The following BTBD7 variants were observed in gnomAD, a reference collection of about 807,000 sequenced individuals.
The protein encoded by BTBD7 is BTB/POZ domain-containing protein 7.
BTBD7 carries 38 observed loss-of-function variants against 99.9 expected under a neutral mutation model. The ratio of observed to expected loss-of-function variants is 0.38; its 90% CI spans 0.29 to 0.50. BTBD7 has a LOEUF of 0.50. Among genes scored for constraint, BTBD7 ranks in the 20% least tolerant of loss-of-function variants. The pLI is 0.93. For synonymous variants in BTBD7, 520 were observed against 511.4 expected, an observed-to-expected ratio of 1.02 and a Z score of -0.23; for missense variants, 1,170 against 1,394.6, an observed-to-expected ratio of 0.84 and a Z score of 2.57.
In BTBD7 at chr14:93,248,566, G is replaced by A; in HGVS notation, c.2031C>T (p.Asn677=). The change falls in exon 9 of 11, where the codon AAC becomes AAT. Residue 677 remains asparagine (N), a synonymous_variant. Coordinates refer to ENST00000334746, the MANE Select transcript of BTBD7 (RefSeq NM_001002860.4). ...AGCTGACAGTGGCGCCTTCCCCGCA[G>A]TTCAGGGCATAGGCCCTCTGCACCT... The part of the protein sequence containing the change: ...TEQVQRAYAL[N]CGEGATVSYE... 1.2e-6 allele frequency: 2 copies of A among 1,614,120 alleles called. No individual in the cohort carries two copies. Among genetic ancestry groups the A allele is most frequent in the Non-Finnish European group, 8.5e-7 (1 of 1,180,044 alleles).
At chr14:93,256,256 G>GC (rs1271386696) in intron 6 of BTBD7, 1 of 151,262 alleles carries the variant, frequency 6.6e-6, no homozygotes, top group East Asian at 1.9e-4. Flanking sequence ...ATTATGTTTT[G>GC]TTTTTTTTCC....
intron 10 of BTBD7, among the ~76,000 whole-genome samples, chr14:93,244,717 G>A (rs1322777824): frequency 6.6e-6 from 1 of 152,046 alleles, no homozygotes; most frequent in Non-Finnish European, 1.5e-5. Context: ...GAAAAGTTGA[G>A]AAAGGATCAT....
At chr14:93,307,236 A>G (rs1255212622) in intron 1 of BTBD7, among the ~76,000 whole-genome samples, 1 of 152,134 alleles carries the variant, frequency 6.6e-6, no homozygotes, top group Admixed American at 6.6e-5. Context: ...ATCATAGCTC[A>G]CAGTGCCTGG....
intron 1 of BTBD7, among the ~76,000 whole-genome samples, chr14:93,301,520 C>T (rs918997897): frequency 1.7e-4 from 21 of 125,916 alleles, no homozygotes; most frequent in Non-Finnish European, 3.1e-4. Flanking sequence ...TATATATATA[C>T]ACACACACAT....
At chr14:93,331,711 T>C (rs950874567) in intron 1 of BTBD7, among the ~76,000 whole-genome samples, 2 of 152,088 alleles carry the variant, frequency 1.3e-5, no homozygotes, top group South Asian at 2.1e-4. Context: ...TGAAACCACG[T>C]CTCTATTAAA....
chr14:93,247,373 A>C (rs2052324773), intron 9 of BTBD7, among the ~76,000 whole-genome samples: 1 of 139,340 alleles, frequency 7.2e-6, no homozygotes, highest in African/African-American at 2.7e-5. Flanking sequence ...TTTGAGACGG[A>C]GTCTTGCTCT....
intron 1 of BTBD7, among the ~76,000 whole-genome samples, chr14:93,313,415 A>G (rs1248648457): frequency 6.6e-6 from 1 of 152,234 alleles, no homozygotes; most frequent in Non-Finnish European, 1.5e-5. Flanking sequence ...GAATCTTATT[A>G]AGCCATGTGG....
At chr14:93,280,319 C>T (rs887769786) in intron 3 of BTBD7, among the ~76,000 whole-genome samples, 3 of 152,180 alleles carry the variant, frequency 2.0e-5, no homozygotes, top group Admixed American at 2.0e-4. Flanking sequence ...CAAAATTCAG[C>T]ACTGTTCTTT....
chr14:93,292,622 CTGTG>C (rs1478634254), intron 3 of BTBD7, among the ~76,000 whole-genome samples: 3 of 152,170 alleles, frequency 2.0e-5, no homozygotes, highest in African/African-American at 4.8e-5. Context: ...ACGCCTTCTT[CTGTG>C]TAAGTTCCCA....
chr14:93,242,949 G>A lies in BTBD7; in HGVS notation c.2723C>T (p.Pro908Leu), dbSNP rs773536280. 2.5e-6 allele frequency: 4 copies of A among 1,614,002 alleles called. No homozygotes were observed. The highest frequency in any genetic ancestry group is 1.7e-5 in the Admixed American group (1 of 59,998). Residue 908 changes from proline to leucine, a missense_variant, in exon 11 of 11, where the codon CCT (proline) becomes CTT (leucine). By Grantham distance (98) the Pro-to-Leu change is moderately conservative. This residue lies in a region of BTBD7 where 495 missense variants were observed against 525.9 expected (regional missense o/e 0.94). Transcript: ENST00000334746. ...SQSVSEAGPG[P>L]PQHLSCIPQR... ...TGGAATACACGACAGATGCTGGGGA[G>A]GCCCTGGTCCTGCTTCAGAAACTGA...
intron 1 of BTBD7, among the ~76,000 whole-genome samples, chr14:93,297,392 G>A (rs1332157106): frequency 6.6e-6 from 1 of 152,084 alleles, no homozygotes; most frequent in East Asian, 1.9e-4. Flanking sequence ...GCGCAATCTC[G>A]GCTCACTTTA....
At chr14:93,316,248 CCCAGT>C (rs1281918243) in intron 1 of BTBD7, among the ~76,000 whole-genome samples, 4 of 134,720 alleles carry the variant, frequency 3.0e-5, no homozygotes, top group African/African-American at 1.2e-4. Flanking sequence ...AGCCACCATG[CCCAGT>C]CTTTTTTTTT....
chr14:93,324,649 T>C (rs1386857238), intron 1 of BTBD7, among the ~76,000 whole-genome samples: 1 of 152,116 alleles, frequency 6.6e-6, no homozygotes, highest in African/African-American at 2.4e-5. Flanking sequence ...TCGGTAGCAA[T>C]AGGGGCCTTG....
intron 3 of BTBD7, among the ~76,000 whole-genome samples, chr14:93,276,892 ATTTTTTTTTTTTTT>A (rs549579457): frequency 2.5e-5 from 2 of 80,370 alleles, no homozygotes; most frequent in Non-Finnish European, 4.5e-5. Context: ...ACACAGATTA[ATTTTTTTTTTTTTT>A]TTTTTTTTTT....
rs2052215681 is a variant in BTBD7, at chr14:93,240,690, GTGATT to G, written c.*1578_*1582del. ...AAGTAAATGCTCAAATAATGTTGAAGTGATTTAAAAACTCAAATACTCATATATTT... is the reference window on the plus strand; with the variant it reads ...AAGTAAATGCTCAAATAATGTTGAAGTAAAAACTCAAATACTCATATATTT... On this transcript the variant is annotated 3_prime_UTR_variant, in exon 11 of 11. Transcript: ENST00000334746. 1 of 152,572 alleles carries G rather than the reference GTGATT, an allele frequency of 6.6e-6. No individual in the cohort carries two copies. The highest frequency in any genetic ancestry group is 1.5e-5 in the Non-Finnish European group (1 of 68,028). 9.5% of individuals were successfully genotyped at this position (152,572 alleles called of 1,614,324 possible).
rs56893984 is a variant in BTBD7, at chr14:93,249,266, C to CAAAA, written c.1943-616_1943-613dup. Among the ~76,000 whole-genome samples the CAAAA allele has an allele frequency of 2.4e-3, 62 of 25,948 alleles. 15 individuals carry two copies. The highest frequency in any genetic ancestry group is 6.6e-3 in the African/African-American group (49 of 7,480). The allele number at this position is 25,948 out of a possible 152,430, so 17.0% of individuals were successfully genotyped here. On this transcript the variant is annotated intron_variant, in intron 8 of 10. Coordinates refer to ENST00000334746, the MANE Select transcript of BTBD7 (RefSeq NM_001002860.4). ...GAAGAATGAAAGGAAACCAGATAGG[C>CAAAA]AAAAAAAAAAAAAAAAAAAAAAAAA... is the stretch of plus-strand genomic sequence containing the variant.
chr14:93,245,839 A>G lies in BTBD7; in HGVS notation c.2569T>C (p.Ser857Pro). The G allele has an allele frequency of 6.2e-7, 1 of 1,612,026 alleles. No individual in the cohort carries two copies. Among genetic ancestry groups the G allele is most frequent in the Non-Finnish European group, 8.5e-7 (1 of 1,178,828 alleles). The change falls in exon 10 of 11, where the codon TCT (serine) becomes CCT (proline). Residue 857 changes from serine (S) to proline (P), a missense_variant. This residue lies in a region of BTBD7 where 495 missense variants were observed against 525.9 expected (regional missense o/e 0.94). Transcript: ENST00000334746. ...TGTTGACTTACCACTTGCTTCTCAG[A>G]TGCTGCTGCTGCTGCTGCTGTTGCT... ...STATAAAAAASEKQVRTQPVL... is the reference protein window; with the variant it reads ...STATAAAAAAPEKQVRTQPVL...
chr14:93,322,177 A>G (rs1228762221), intron 1 of BTBD7, among the ~76,000 whole-genome samples: 1 of 152,188 alleles, frequency 6.6e-6, no homozygotes, highest in Non-Finnish European at 1.5e-5. Flanking sequence ...CAGTGGGGTG[A>G]TCGCTACTCA....
intron 1 of BTBD7, among the ~76,000 whole-genome samples, chr14:93,328,489 C>T (rs1357880480): frequency 1.3e-5 from 2 of 151,960 alleles, no homozygotes; most frequent in African/African-American, 4.8e-5. Context: ...AACAAAGGTG[C>T]CAAGACCATT....
Sources: allele counts gnomAD v4.1 joint callset (sites outside exome capture counted in the v4.1 genomes callset), GRCh38; gene constraint gnomAD v4.1.1; regional missense constraint gnomAD v4.1.1; transcripts MANE v1.5; gene names NCBI Gene and HGNC (gene_info 2026-07-23, HGNC 2026-07-21).